THRAP3: variants seen among roughly 807,000 people sequenced by gnomAD.
The protein encoded by THRAP3 is thyroid hormone receptor-associated protein 3.
In THRAP3, 16 loss-of-function variants were observed where a neutral mutation model predicts 101.0. That is an observed-to-expected ratio of 0.16 (90% confidence interval 0.11 to 0.24). The LOEUF (loss-of-function observed/expected upper bound fraction) is 0.24, where lower values mean the gene tolerates loss of function less well. THRAP3 is among the 10% of genes least tolerant of loss of function. The probability of loss-of-function intolerance (pLI) is 1.00; values close to 1 mark genes in which losing one functional copy is unlikely to be tolerated. For synonymous variants in THRAP3, 407 were observed against 422.6 expected, an observed-to-expected ratio of 0.96 and a Z score of 0.45; for missense variants, 989 against 1,202.7, an observed-to-expected ratio of 0.82 and a Z score of 2.63.
chr1:36,225,962 A>C (rs1644957503), intron 1 of THRAP3, among the ~76,000 whole-genome samples: 1 of 152,172 alleles, frequency 6.6e-6, no homozygotes, highest in Admixed American at 6.5e-5. Context: ...TGTTTTTTAA[A>C]CGTTTTAACA....
At chr1:36,284,123 A>G (rs192413340) in intron 3 of THRAP3, among the ~76,000 whole-genome samples, 3 of 152,254 alleles carry the variant, frequency 2.0e-5, no homozygotes, top group African/African-American at 4.8e-5. Flanking sequence ...TTCAACACCA[A>G]GAGGCTATGC....
At chr1:36,246,206 G>A (rs940004848) in intron 1 of THRAP3, among the ~76,000 whole-genome samples, 4 of 152,122 alleles carry the variant, frequency 2.6e-5, no homozygotes, top group Admixed American at 1.3e-4. Context: ...GTGCATGAGA[G>A]GATAAACAGT....
intron 1 of THRAP3, among the ~76,000 whole-genome samples, chr1:36,253,160 C>T (rs1645329432): frequency 1.1e-4 from 1 of 9,254 alleles, no homozygotes; most frequent in Non-Finnish European, 9.1e-3. Context: ...AATGTCTTCA[C>T]ACAGATTGGG....
intron 1 of THRAP3, among the ~76,000 whole-genome samples, chr1:36,227,916 C>T (rs1230474138): frequency 1.3e-5 from 2 of 152,104 alleles, no homozygotes; most frequent in Non-Finnish European, 2.9e-5. Flanking sequence ...CGCTCTGTTG[C>T]CCAGGCTGGA....
chr1:36,258,089 T>G (rs2124482063), intron 1 of THRAP3, among the ~76,000 whole-genome samples: 1 of 152,358 alleles, frequency 6.6e-6, no homozygotes, highest in East Asian at 1.9e-4. Flanking sequence ...TCCGCCCGCC[T>G]CGGCCTCCCA....
intron 3 of THRAP3, among the ~76,000 whole-genome samples, chr1:36,283,611 A>T (rs529544040): frequency 6.6e-6 from 1 of 150,704 alleles, no homozygotes; most frequent in East Asian, 2.0e-4. Context: ...GACACTTGGA[A>T]CCCCTGCTGT....
intron 2 of THRAP3, among the ~76,000 whole-genome samples, chr1:36,265,314 G>T (rs938439361): frequency 2.0e-5 from 3 of 152,132 alleles, no homozygotes; most frequent in African/African-American, 7.2e-5. Context: ...CTTGGAAAAG[G>T]TCTTACTAGT....
chr1:36,260,182 C>T (rs766928905), intron 2 of THRAP3, among the ~76,000 whole-genome samples: 31 of 152,148 alleles, frequency 2.0e-4, no homozygotes, highest in Middle Eastern at 3.2e-3. Flanking sequence ...GTAGAGGTTA[C>T]AGTGAGCCGA....
chr1:36,235,800 C>T (rs990695893), intron 1 of THRAP3, among the ~76,000 whole-genome samples: 10 of 152,074 alleles, frequency 6.6e-5, no homozygotes, highest in African/African-American at 2.4e-4. Flanking sequence ...AAACTGATAG[C>T]AACCTAAATA....
chr1:36,244,707 C>G (rs1177713505), intron 1 of THRAP3, among the ~76,000 whole-genome samples: 1 of 150,654 alleles, frequency 6.6e-6, no homozygotes, highest in African/African-American at 2.4e-5. Context: ...TCTACCTGTA[C>G]AATTTTACTT....
At position 36,242,540 on chromosome 1, in the gene THRAP3, C is replaced by T. The variant is rs182360472; in HGVS notation, c.-134-16842C>T. ...CGATCTCCGCTCACTGCAAGCTCTGCCTCATGGGTTCACGCCATTCTCCTG... is the reference window on the plus strand; with the variant it reads ...CGATCTCCGCTCACTGCAAGCTCTGTCTCATGGGTTCACGCCATTCTCCTG... On this transcript the variant is annotated intron_variant, in intron 1 of 11. Transcript: ENST00000354618. Among the ~76,000 whole-genome samples, 481 of 151,512 alleles carry T rather than the reference C, an allele frequency of 3.2e-3. 4 individuals are homozygous for T. Among genetic ancestry groups the T allele is most frequent in the African/African-American group, 0.011 (462 of 41,268 alleles).
intron 2 of THRAP3, among the ~76,000 whole-genome samples, chr1:36,260,703 T>G (rs1352332746): frequency 6.6e-6 from 1 of 151,540 alleles, no homozygotes; most frequent in Non-Finnish European, 1.5e-5. Context: ...GCGCCTGTAG[T>G]CCCAGCTACT....
chr1:36,296,258 G>A (rs1464450098), intron 8 of THRAP3, among the ~76,000 whole-genome samples: 1 of 152,148 alleles, frequency 6.6e-6, no homozygotes, highest in East Asian at 1.9e-4. Flanking sequence ...ACAGGCGTGA[G>A]CCACTGCACC....
chr1:36,301,800 G>A (rs753003680), intron 11 of THRAP3, 104 bp downstream of exon 11: 10 of 1,376,270 alleles, frequency 7.3e-6, no homozygotes, highest in South Asian at 1.4e-5. Flanking sequence ...TTAAATGTAC[G>A]TGCAGGATTA....
chr1:36,208,776 C>T, the THRAP3 span, among the ~76,000 whole-genome samples: 1 of 152,030 alleles, frequency 6.6e-6, no homozygotes, highest in South Asian at 2.1e-4. Context: ...AACCAATTCT[C>T]CCGCCTCAGC....
rs545680478 is a variant in THRAP3 at position 36,289,311 on chromosome 1, A to G, written c.1292A>G (p.Asp431Gly). Residue 431 changes from aspartate to glycine, a missense_variant, in exon 5 of 12, where the codon GAT becomes GGT. By Grantham distance (94) the Asp-to-Gly change is moderately conservative (BLOSUM62 -1). Coordinates refer to ENST00000354618, the MANE Select transcript of THRAP3 (RefSeq NM_005119.4). ...GCTGACTTCCACAAGGAGGAGATGG[A>G]TGATCAAGATAAGGACAAAGCTAAG... ...KMADFHKEEM[D>G]DQDKDKAKGR... 6.2e-6 allele frequency: 10 copies of G among 1,614,224 alleles called. No homozygotes were observed. The East Asian group carries it at 6.7e-5, about 11-fold the overall frequency.
At chr1:36,257,504 A>C (rs1184480253) in intron 1 of THRAP3, among the ~76,000 whole-genome samples, 1 of 152,174 alleles carries the variant, frequency 6.6e-6, no homozygotes. Context: ...GAGGTTCAGG[A>C]GATAGAGGCT....
chr1:36,220,230 T>C (rs569285127), upstream of THRAP3, among the ~76,000 whole-genome samples: 1 of 152,298 alleles, frequency 6.6e-6, no homozygotes, highest in South Asian at 2.1e-4. Flanking sequence ...TGACCTCAAG[T>C]GATCTACCCA....
chr1:36,298,995 T>C lies in THRAP3; in HGVS notation c.2304-1891T>C, dbSNP rs116841116. Among the ~76,000 whole-genome samples, 155 of 152,310 alleles carry C rather than the reference T, an allele frequency of 1.0e-3. 1 individual carries two copies. In the East Asian group the frequency reaches 0.025, roughly 25 times the overall value. ...TTCTTGTAGAGTTGAGGTTTTGCCA[T>C]GTTGCCCAGGATGGTCTAGAACTCC... On this transcript the variant is annotated intron_variant, in intron 9 of 11. Coordinates refer to ENST00000354618, the MANE Select transcript of THRAP3 (RefSeq NM_005119.4).
Sources: allele counts gnomAD v4.1 joint callset (sites outside exome capture counted in the v4.1 genomes callset), GRCh38; gene constraint gnomAD v4.1.1; transcripts MANE v1.5; gene names NCBI Gene and HGNC (gene_info 2026-07-23, HGNC 2026-07-21).